SEMA5B: variants seen among roughly 807,000 people sequenced by gnomAD.
The protein encoded by SEMA5B is semaphorin-5B.
SEMA5B carries 66 observed loss-of-function variants against 135.0 expected under a neutral mutation model. That is an observed-to-expected ratio of 0.49 (90% confidence interval 0.40 to 0.60). The LOEUF (loss-of-function observed/expected upper bound fraction) is 0.60, where lower values mean the gene tolerates loss of function less well. SEMA5B is among the 20% of genes least tolerant of loss of function. The pLI is 0.00. For synonymous variants in SEMA5B, 690 were observed against 639.5 expected (o/e 1.08, Z -1.19); for missense variants, 1,501 against 1,566.3 (o/e 0.96, Z 0.70).
At chr3:122,926,721 G>A in intron 8 of SEMA5B, 44 bp from the exon 9 acceptor site, 1 of 1,592,022 alleles carries the variant, frequency 6.3e-7, no homozygotes, top group Non-Finnish European at 8.6e-7. Flanking sequence ...AGGCCAGCGG[G>A]GAAGAAGATG....
intron 4 of SEMA5B, among the ~76,000 whole-genome samples, chr3:122,943,177 G>T (rs1939637792): frequency 6.6e-6 from 1 of 152,150 alleles, no homozygotes; most frequent in Non-Finnish European, 1.5e-5. Flanking sequence ...TGGCCAGCAG[G>T]CGTCCCTGCT....
intron 1 of SEMA5B, among the ~76,000 whole-genome samples, chr3:122,961,593 G>A (rs1270254128): frequency 6.6e-6 from 1 of 151,830 alleles, no homozygotes; most frequent in African/African-American, 2.4e-5. Context: ...CCAAGTAGTT[G>A]TGACAACAGG....
At chr3:122,966,551 A>AT (rs1560378654) in intron 1 of SEMA5B, among the ~76,000 whole-genome samples, 2 of 147,338 alleles carry the variant, frequency 1.4e-5, no homozygotes, top group African/African-American at 2.6e-5. Context: ...TATTATTATT[A>AT]TTATTATTAT....
intron 1 of SEMA5B, among the ~76,000 whole-genome samples, chr3:123,016,781 G>A (rs1416225057): frequency 6.6e-6 from 1 of 151,690 alleles, no homozygotes; most frequent in Non-Finnish European, 1.5e-5. Context: ...GGAGAGCCTT[G>A]CTGTTGTTCT....
At position 122,913,346 on chromosome 3, in the gene SEMA5B, C is replaced by A; in HGVS notation, c.2359G>T (p.Val787Leu). ...TCCTGCCGTGCCCCGCCCTGCGTCA[C>A]GTTCACGGGCAGCCACGGCGTCCAG... ...TPWTPWLPVN[V>L]TQGGARQEQR... Residue 787 changes from valine (V) to leucine (L), a missense_variant, in exon 17 of 23, where the codon GTG (valine) becomes TTG (leucine). Val to Leu is a conservative substitution (Grantham distance 32). Around this residue, in one of 2 missense-constraint regions of SEMA5B, gnomAD observed 927 missense variants for 881.6 expected, o/e 1.05. Coordinates refer to ENST00000357599, the MANE Select transcript of SEMA5B (RefSeq NM_001031702.4). 1 of 1,580,892 alleles carries A rather than the reference C, an allele frequency of 6.3e-7. No individual in the cohort carries two copies. The highest frequency in any genetic ancestry group is 8.5e-7 in the Non-Finnish European group (1 of 1,170,472).
In SEMA5B at chr3:123,012,370, C is replaced by T. The variant is rs371369513; in HGVS notation, c.-39+15094G>A. 5.3e-5 allele frequency among the ~76,000 whole-genome samples: 8 copies of T among 152,254 alleles called. No individual in the cohort carries two copies. In the East Asian group the frequency reaches 1.5e-3, roughly 29 times the overall value. Reference sequence around the variant, plus strand: ...TCCCTACCATCATTTTCCTCTGTGCCCCTGGAGGAGGCCACAGCACCAAAC... The same window carrying T: ...TCCCTACCATCATTTTCCTCTGTGCTCCTGGAGGAGGCCACAGCACCAAAC... On this transcript the variant is annotated intron_variant, in intron 1 of 22. Coordinates refer to ENST00000357599, the MANE Select transcript of SEMA5B (RefSeq NM_001031702.4).
intron 1 of SEMA5B, among the ~76,000 whole-genome samples, chr3:122,984,861 G>A (rs937964397): frequency 2.0e-5 from 3 of 152,138 alleles, no homozygotes; most frequent in African/African-American, 7.2e-5. Flanking sequence ...AACTGAAAAT[G>A]TAAAGGCCCA....
At chr3:123,026,553 T>C (rs1177549901) in intron 1 of SEMA5B, among the ~76,000 whole-genome samples, 1 of 152,022 alleles carries the variant, frequency 6.6e-6, no homozygotes, top group African/African-American at 2.4e-5. Context: ...GGGCCGGGTT[T>C]TCTCGAGCCT....
At position 123,007,671 on chromosome 3, in the gene SEMA5B, C is replaced by T. The variant is rs1032723201; in HGVS notation, c.-39+19793G>A. ...ACATTTGCATGCTTAGCTCCTTTGCCATGTGGTACCCTGCACCACCTTGGG... is the reference window on the plus strand; with the variant it reads ...ACATTTGCATGCTTAGCTCCTTTGCTATGTGGTACCCTGCACCACCTTGGG... On this transcript the variant is annotated intron_variant, in intron 1 of 22. Coordinates refer to ENST00000357599, the MANE Select transcript of SEMA5B (RefSeq NM_001031702.4). Among the ~76,000 whole-genome samples the T allele has an allele frequency of 1.1e-4, 17 of 152,166 alleles. 1 individual carries two copies. Among genetic ancestry groups the T allele is most frequent in the Admixed American group, 9.2e-4 (14 of 15,272 alleles).
chr3:122,912,404 A>G, intron 18 of SEMA5B, 62 bp from the exon 19 acceptor site: 3 of 1,435,476 alleles, frequency 2.1e-6, no homozygotes, highest in Non-Finnish European at 2.8e-6. Context: ...ACGGTCTTCC[A>G]TCCCATACCA....
intron 9 of SEMA5B, among the ~76,000 whole-genome samples, chr3:122,926,164 C>T (rs1938618710): frequency 6.6e-6 from 1 of 152,252 alleles, no homozygotes. Flanking sequence ...CTCCTTCATG[C>T]AGCCTAAGGC....
chr3:122,948,465 C>A (rs758785975), intron 3 of SEMA5B, 41 bp downstream of exon 3: 4 of 1,529,988 alleles, frequency 2.6e-6, no homozygotes, highest in African/African-American at 2.7e-5. Context: ...CTTCAGGACA[C>A]GGCCATTGCA....
chr3:123,001,759 G>A (rs1444636431), intron 1 of SEMA5B, among the ~76,000 whole-genome samples: 2 of 152,192 alleles, frequency 1.3e-5, no homozygotes, highest in Non-Finnish European at 2.9e-5. Flanking sequence ...TTAGTGGCAG[G>A]AGAAGCGAGC....
rs556643809 is a variant in SEMA5B, at chr3:123,020,636, A to G, written c.-39+6828T>C. Among the ~76,000 whole-genome samples, 14 of 152,352 alleles carry G rather than the reference A, an allele frequency of 9.2e-5. No homozygotes were observed. In the East Asian group the frequency reaches 9.6e-4, roughly 10 times the overall value. On this transcript the variant is annotated intron_variant, in intron 1 of 22. Coordinates refer to ENST00000357599, the MANE Select transcript of SEMA5B (RefSeq NM_001031702.4). ...CATGAGGCCAGGTAGAGCCTAGAAA[A>G]GAAGATTTAGGTCAGTGGCTCTCAA...
rs773080827 is a variant in SEMA5B, at chr3:122,912,058, G to T, written c.2908C>A (p.Pro970Thr). 5.6e-6 allele frequency: 9 copies of T among 1,612,298 alleles called. No individual in the cohort carries two copies. In the East Asian group the frequency reaches 1.6e-4, roughly 28 times the overall value. ...ATQACPEGWSPWSEWSKCTDD... is the reference protein window; with the variant it reads ...ATQACPEGWSTWSEWSKCTDD... ...GTGCACTTACTCCACTCAGACCAGG[G>T]CGACCAGCCTTCTGGGGATTGTGGG... Residue 970 changes from proline to threonine, a missense_variant, in exon 20 of 23, where the codon CCC becomes ACC. Transcript: ENST00000357599.
At chr3:122,917,524 T>C (rs1938130466) in intron 12 of SEMA5B, among the ~76,000 whole-genome samples, 1 of 152,170 alleles carries the variant, frequency 6.6e-6, no homozygotes. Context: ...GGTGAATTCT[T>C]AACTTGCAGT....
At chr3:122,920,685 G>A (rs1012028405) in intron 12 of SEMA5B, among the ~76,000 whole-genome samples, 4 of 152,206 alleles carry the variant, frequency 2.6e-5, no homozygotes, top group African/African-American at 9.6e-5. Flanking sequence ...AGTTGTTCAA[G>A]ATCATACGGT....
At chr3:122,938,296 G>A (rs1043507125) in intron 5 of SEMA5B, among the ~76,000 whole-genome samples, 3 of 152,208 alleles carry the variant, frequency 2.0e-5, no homozygotes, top group Non-Finnish European at 4.4e-5. Context: ...AGGCTGGCTA[G>A]TAAAGGTATG....
chr3:122,991,809 AG>A (rs1694071711), intron 1 of SEMA5B, among the ~76,000 whole-genome samples: 2 of 152,182 alleles, frequency 1.3e-5, no homozygotes, highest in African/African-American at 2.4e-5. Context: ...GGGACCTCAG[AG>A]GTTATCTTGT....
Sources: gnomAD v4.1 joint callset for allele counts (sites outside exome capture counted in the v4.1 genomes callset) on GRCh38, gnomAD v4.1.1 for gene constraint, gnomAD v4.1.1 regional missense constraint, MANE v1.5 for transcripts, NCBI Gene and HGNC (gene_info 2026-07-23, HGNC 2026-07-21) for gene names.